Variants in CHCHD6 observed in about 807,000 individuals in gnomAD.
CHCHD6 encodes the protein coiled-coil-helix-coiled-coil-helix domain containing 6.
A neutral mutation model predicts 32.3 loss-of-function variants in CHCHD6; 28 were observed. That is an observed-to-expected ratio of 0.87 (90% CI 0.64 to 1.19). The LOEUF is 1.19. CHCHD6 is among the 50% of genes most tolerant of loss of function. The probability of loss-of-function intolerance (pLI) is 0.00; values close to 1 mark genes in which losing one functional copy is unlikely to be tolerated. For synonymous variants in CHCHD6, 122 were observed against 117.5 expected, an observed-to-expected ratio of 1.04 and a Z score of -0.25; for missense variants, 333 against 307.0, an observed-to-expected ratio of 1.08 and a Z score of -0.63.
At chr3:126,833,279 A>G (rs2107542850) in intron 4 of CHCHD6, among the ~76,000 whole-genome samples, 1 of 152,302 alleles carries the variant, frequency 6.6e-6, no homozygotes, top group South Asian at 2.1e-4. Flanking sequence ...CATTTCATAT[A>G]CTGTGACTGG....
At chr3:126,894,499 T>C (rs1420321096) in intron 5 of CHCHD6, among the ~76,000 whole-genome samples, 1 of 152,164 alleles carries the variant, frequency 6.6e-6, no homozygotes. Flanking sequence ...GGGAGCAGCA[T>C]TTGGAAGACA....
chr3:126,925,768 C>T (rs901848256), intron 6 of CHCHD6, among the ~76,000 whole-genome samples: 6 of 152,220 alleles, frequency 3.9e-5, no homozygotes, highest in African/African-American at 7.2e-5. Flanking sequence ...GCTCCAGCAC[C>T]GGGGGCCACC....
intron 5 of CHCHD6, among the ~76,000 whole-genome samples, chr3:126,883,116 T>C (rs1452616790): frequency 3.9e-5 from 6 of 152,202 alleles, no homozygotes; most frequent in Non-Finnish European, 8.8e-5. Flanking sequence ...AGCTGAACAC[T>C]TGGAGGTTCC....
intron 5 of CHCHD6, among the ~76,000 whole-genome samples, chr3:126,906,968 G>A (rs2078017003): frequency 1.3e-5 from 2 of 152,162 alleles, no homozygotes; most frequent in African/African-American, 4.8e-5. Flanking sequence ...GAGGGTATAG[G>A]GACCATGGGT....
chr3:126,900,640 T>A (rs1185839416), intron 5 of CHCHD6, among the ~76,000 whole-genome samples: 3 of 148,832 alleles, frequency 2.0e-5, no homozygotes, highest in African/African-American at 7.5e-5. Context: ...GTTTCGCTCT[T>A]GTTGCCCAGG....
chr3:126,897,513 AT>A (rs1314132460), intron 5 of CHCHD6, among the ~76,000 whole-genome samples: 1 of 152,068 alleles, frequency 6.6e-6, no homozygotes, highest in African/African-American at 2.4e-5. Flanking sequence ...TTTATTCTGT[AT>A]TGTCTGTTGC....
intron 4 of CHCHD6, among the ~76,000 whole-genome samples, chr3:126,743,504 C>G (rs1217765891): frequency 6.6e-6 from 1 of 152,182 alleles, no homozygotes; most frequent in Non-Finnish European, 1.5e-5. Context: ...GTCACTGCTT[C>G]TAATTAGCAG....
chr3:126,844,932 C>T (rs932651702), intron 4 of CHCHD6, among the ~76,000 whole-genome samples: 7 of 152,074 alleles, frequency 4.6e-5, no homozygotes, highest in South Asian at 2.1e-4. Flanking sequence ...TGGGGGTAGC[C>T]GCTAGCTAGA....
chr3:126,834,506 G>T (rs1259384383), intron 4 of CHCHD6, among the ~76,000 whole-genome samples: 1 of 152,138 alleles, frequency 6.6e-6, no homozygotes, highest in Non-Finnish European at 1.5e-5. Flanking sequence ...CAGGCCTGGG[G>T]AATGGGCCAG....
At chr3:126,753,132 T>A (rs900884766) in intron 4 of CHCHD6, among the ~76,000 whole-genome samples, 3 of 152,114 alleles carry the variant, frequency 2.0e-5, no homozygotes, top group African/African-American at 7.2e-5. Flanking sequence ...ACAAGCAGAT[T>A]CTGACTTTCT....
At chr3:126,886,335 A>G (rs887657659) in intron 5 of CHCHD6, among the ~76,000 whole-genome samples, 2 of 152,242 alleles carry the variant, frequency 1.3e-5, no homozygotes, top group Non-Finnish European at 2.9e-5. Flanking sequence ...TGTAAGTTTT[A>G]AATTGTATGC....
chr3:126,896,837 A>T (rs2077847739), intron 5 of CHCHD6, among the ~76,000 whole-genome samples: 1 of 152,036 alleles, frequency 6.6e-6, no homozygotes, highest in South Asian at 2.1e-4. Flanking sequence ...CGCAGAGGAG[A>T]CATGGGGGCT....
At chr3:126,892,126 G>A (rs2077770295) in intron 5 of CHCHD6, among the ~76,000 whole-genome samples, 1 of 152,152 alleles carries the variant, frequency 6.6e-6, no homozygotes, top group Non-Finnish European at 1.5e-5. Context: ...ACACCGGGGG[G>A]ATCCTCTGTG....
intron 4 of CHCHD6, among the ~76,000 whole-genome samples, chr3:126,745,454 T>TGGAA (rs2107665291): frequency 6.6e-6 from 1 of 152,326 alleles, no homozygotes; most frequent in Admixed American, 6.5e-5. Flanking sequence ...GTCTGGCAGA[T>TGGAA]GGAAGGTGGT....
intron 5 of CHCHD6, among the ~76,000 whole-genome samples, chr3:126,896,978 A>G (rs1225335643): frequency 1.3e-5 from 2 of 152,164 alleles, no homozygotes; most frequent in Non-Finnish European, 1.5e-5. Flanking sequence ...GCTGTAGTCC[A>G]GGTTACCAGT....
At chr3:126,950,730 A>G (rs2078704170) in intron 6 of CHCHD6, among the ~76,000 whole-genome samples, 1 of 152,020 alleles carries the variant, frequency 6.6e-6, no homozygotes, top group Non-Finnish European at 1.5e-5. Context: ...GATTACAGGC[A>G]TGAGCCATTG....
intron 5 of CHCHD6, among the ~76,000 whole-genome samples, chr3:126,886,179 T>C (rs562561629): frequency 2.8e-4 from 43 of 152,352 alleles, no homozygotes; most frequent in Non-Finnish European, 5.9e-4. Context: ...GTTTTAGAGA[T>C]AGAAGCTCCT....
rs1038495329 is a variant in CHCHD6, at chr3:126,838,893, T to C, written c.412-13754T>C. Among the ~76,000 whole-genome samples, 461 of 134,018 alleles carry C rather than the reference T, an allele frequency of 3.4e-3. 3 individuals are homozygous for C. The highest frequency in any genetic ancestry group is 0.012 in the African/African-American group (442 of 36,046). 87.9% of individuals were successfully genotyped at this position (134,018 alleles called of 152,430 possible). ...ATTCATTTTATTCCTTCTTTTTTCCTTTTTTTTTTTTTTTTGAGACAGTCT... is the reference window on the plus strand; with the variant it reads ...ATTCATTTTATTCCTTCTTTTTTCCCTTTTTTTTTTTTTTTGAGACAGTCT... On this transcript the variant is annotated intron_variant, in intron 4 of 7. Transcript: ENST00000290913.
At chr3:126,879,815 T>G (rs937834039) in intron 5 of CHCHD6, among the ~76,000 whole-genome samples, 1 of 152,212 alleles carries the variant, frequency 6.6e-6, no homozygotes, top group Non-Finnish European at 1.5e-5. Context: ...GAGTTGGAGC[T>G]GAAGTGCTTA....
Sources: gnomAD v4.1 joint callset for allele counts (sites outside exome capture counted in the v4.1 genomes callset) on GRCh38, gnomAD v4.1.1 for gene constraint, MANE v1.5 for transcripts, NCBI Gene and HGNC (gene_info 2026-07-23, HGNC 2026-07-21) for gene names.